The following C11orf65 variants were observed in gnomAD, a reference collection of about 807,000 sequenced individuals.
C11orf65 encodes the protein chromosome 11 open reading frame 65, also known as protein MFI.
In C11orf65, 38 loss-of-function variants were observed where a neutral mutation model predicts 35.3. That is an observed-to-expected ratio of 1.08 (90% CI 0.83 to 1.41). The LOEUF (loss-of-function observed/expected upper bound fraction) is 1.41, where lower values mean the gene tolerates loss of function less well. C11orf65 is among the 40% of genes most tolerant of loss of function. The probability of loss-of-function intolerance (pLI) is 0.00; values close to 1 mark genes in which losing one functional copy is unlikely to be tolerated. For synonymous variants in C11orf65, 105 were observed against 114.4 expected (o/e 0.92, Z 0.53); for missense variants, 370 against 367.1 (o/e 1.01, Z -0.06).
chr11:108,357,674 A>C (rs1442699538), intron 2 of C11orf65, among the ~76,000 whole-genome samples: 2 of 152,158 alleles, frequency 1.3e-5, no homozygotes, highest in East Asian at 1.9e-4. Flanking sequence ...GGCACCCCCC[A>C]GCAGGGGCAC....
chr11:108,391,661 G>A (rs1425825534), intron 7 of C11orf65, among the ~76,000 whole-genome samples: 1 of 152,092 alleles, frequency 6.6e-6, no homozygotes, highest in Non-Finnish European at 1.5e-5. Flanking sequence ...TTACAGGCGT[G>A]AGCCACCACG....
intron 2 of C11orf65, among the ~76,000 whole-genome samples, chr11:108,455,599 C>T (rs1207623069): frequency 1.3e-5 from 2 of 151,782 alleles, no homozygotes; most frequent in Admixed American, 6.6e-5. Flanking sequence ...GGGCGGATCA[C>T]GAGGTCAGGA....
At chr11:108,439,502 TCAAA>T (rs1247437586) in intron 2 of C11orf65, among the ~76,000 whole-genome samples, 4 of 152,132 alleles carry the variant, frequency 2.6e-5, no homozygotes, top group Admixed American at 2.6e-4. Context: ...AAGCAATGGC[TCAAA>T]CAGATATTTT....
chr11:108,336,968 T>C (rs1468588370), intron 2 of C11orf65, among the ~76,000 whole-genome samples: 1 of 152,246 alleles, frequency 6.6e-6, no homozygotes, highest in East Asian at 1.9e-4. Context: ...TCTCCTTCTA[T>C]AAATGTTGTA....
chr11:108,442,196 C>T (rs1022196242), intron 2 of C11orf65, among the ~76,000 whole-genome samples: 10 of 151,872 alleles, frequency 6.6e-5, no homozygotes, highest in African/African-American at 2.2e-4. Flanking sequence ...CTTCAGTACC[C>T]GATTCAATCA....
intron 2 of C11orf65, chr11:108,343,411 T>C: frequency 6.2e-7 from 1 of 1,609,758 alleles, no homozygotes. Context: ...GTAAGATTAT[T>C]TAATGGCTTA....
chr11:108,318,278 C>G (rs556850151), intron 6 of C11orf65, among the ~76,000 whole-genome samples: 1 of 151,902 alleles, frequency 6.6e-6, no homozygotes, highest in East Asian at 1.9e-4. Context: ...AGGAGAATTG[C>G]TAGAACACGG....
rs12272455 is a variant in C11orf65, at chr11:108,464,955, T to C, written c.-10+2516A>G. Among the ~76,000 whole-genome samples the C allele has an allele frequency of 4.9e-3, 745 of 152,266 alleles. 2 individuals are homozygous for C. Among genetic ancestry groups the C allele is most frequent in the African/African-American group, 0.016 (662 of 41,542 alleles). On this transcript the variant is annotated intron_variant, in intron 1 of 8. Coordinates refer to ENST00000393084, the MANE Select transcript of C11orf65 (RefSeq NM_152587.5). ...CCCATAAACATTCTATGGGAATGCT[T>C]GACTCTAAATTTTAGAAAAGTAAAA...
intron 2 of C11orf65, among the ~76,000 whole-genome samples, chr11:108,455,957 C>A (rs748603424): frequency 2.0e-5 from 3 of 151,756 alleles, no homozygotes; most frequent in Non-Finnish European, 4.4e-5. Context: ...AGTTAAGAGA[C>A]CAGCACGGGC....
At chr11:108,409,048 C>T (rs962096621) in intron 3 of C11orf65, among the ~76,000 whole-genome samples, 3 of 152,020 alleles carry the variant, frequency 2.0e-5, no homozygotes, top group African/African-American at 7.2e-5. Context: ...CTAAGGTGGA[C>T]AGATCTTAAG....
In C11orf65 at chr11:108,345,847, T is replaced by G; in HGVS notation, c.227-10555A>C. ...ACTTCTGCATGGAAAAATTCTTGGA[T>G]CCAGCTATTTGGTTTGAGAAGCGAT... On this transcript the variant is annotated intron_variant, in intron 2 of 3. Coordinates refer to the C11orf65 transcript ENST00000524755. The G allele has an allele frequency of 6.2e-7, 1 of 1,613,896 alleles. No homozygotes were observed. The highest frequency in any genetic ancestry group is 1.3e-5 in the African/African-American group (1 of 75,040).
chr11:108,332,949 CTG>C (rs1459408933), intron 3 of C11orf65: 12 of 1,581,246 alleles, frequency 7.6e-6, no homozygotes, highest in Non-Finnish European at 1.0e-5. Flanking sequence ...GTGTTACTCT[CTG>C]TAGAGATATA....
chr11:108,450,325 G>A (rs187034536), intron 2 of C11orf65, among the ~76,000 whole-genome samples: 2,590 of 151,802 alleles, frequency 0.017, 44 homozygotes, highest in Middle Eastern at 0.031. Flanking sequence ...ACATGCACAC[G>A]TATGTTTATT....
chr11:108,432,630 T>C (rs1467099345), intron 2 of C11orf65, among the ~76,000 whole-genome samples: 1 of 152,170 alleles, frequency 6.6e-6, no homozygotes, highest in Non-Finnish European at 1.5e-5. Context: ...CCACTCCCCA[T>C]TTGCTTATGT....
At chr11:108,372,456 G>C (rs1337204537) in intron 2 of C11orf65, among the ~76,000 whole-genome samples, 1 of 152,230 alleles carries the variant, frequency 6.6e-6, no homozygotes, top group African/African-American at 2.4e-5. Context: ...GCACCCCAAA[G>C]TGCTGGGATT....
chr11:108,412,321 C>T (rs536439650), intron 3 of C11orf65, among the ~76,000 whole-genome samples: 66 of 150,754 alleles, frequency 4.4e-4, no homozygotes, highest in African/African-American at 1.6e-3. Flanking sequence ...AAAAAAAAAA[C>T]AATGGCAACA....
rs532794178 is a variant in C11orf65 at position 108,402,834 on chromosome 11, T to C, written c.560+2595A>G. Among the ~76,000 whole-genome samples the C allele has an allele frequency of 4.6e-5, 7 of 152,298 alleles. No homozygotes were observed. In the South Asian group the frequency reaches 1.5e-3, roughly 32 times the overall value. ...ATTGTATGTGAATGGAATCATACAG[T>C]ATGTATTCTTTTTTGATAGATTTAT... On this transcript the variant is annotated intron_variant, in intron 6 of 8. Coordinates refer to ENST00000393084, the MANE Select transcript of C11orf65 (RefSeq NM_152587.5).
At chr11:108,354,022 C>A in intron 2 of C11orf65, 2 of 701,450 alleles carry the variant, frequency 2.9e-6, no homozygotes, top group Non-Finnish European at 2.5e-6. Context: ...TTGAGTCCAG[C>A]CTAGGCAATA....
At chr11:108,422,199 A>AT (rs1475828885) in intron 3 of C11orf65, among the ~76,000 whole-genome samples, 1 of 152,150 alleles carries the variant, frequency 6.6e-6, no homozygotes, top group Non-Finnish European at 1.5e-5. Context: ...AAGTGCTGGG[A>AT]TTACAGGCGT....
Sources: gnomAD v4.1 joint callset for allele counts (sites outside exome capture counted in the v4.1 genomes callset) on GRCh38, gnomAD v4.1.1 for gene constraint, MANE v1.5 for transcripts, NCBI Gene and HGNC (gene_info 2026-07-23, HGNC 2026-07-21) for gene names.